The following MRPS28 variants were observed in gnomAD, a reference collection of about 807,000 sequenced individuals.
MRPS28 encodes small ribosomal subunit protein bS1m.
In MRPS28, 7 loss-of-function variants were observed where a neutral mutation model predicts 10.8. That is an observed-to-expected ratio of 0.65 (90% CI 0.37 to 1.22). MRPS28 has a LOEUF of 1.22. MRPS28 is among the 50% of genes most tolerant of loss of function. The probability of loss-of-function intolerance (pLI) is 0.02; values close to 1 mark genes in which losing one functional copy is unlikely to be tolerated. For missense variants in MRPS28, 265 were observed against 232.9 expected, an observed-to-expected ratio of 1.14 and a Z score of -0.90; for synonymous variants, 121 against 93.3, an observed-to-expected ratio of 1.30 and a Z score of -1.71.
chr8:79,976,372 C>T (rs186850124), intron 2 of MRPS28, among the ~76,000 whole-genome samples: 2 of 152,224 alleles, frequency 1.3e-5, no homozygotes, highest in African/African-American at 2.4e-5. Context: ...CGTGAGCCAC[C>T]GCACCCGGCC....
At chr8:79,984,417 C>T (rs1481790934) in intron 2 of MRPS28, among the ~76,000 whole-genome samples, 1 of 152,156 alleles carries the variant, frequency 6.6e-6, no homozygotes, top group Non-Finnish European at 1.5e-5. Flanking sequence ...CAAATTCACA[C>T]AAAACAATAT....
At chr8:80,010,435 C>T (rs1809006445) in intron 1 of MRPS28, among the ~76,000 whole-genome samples, 1 of 152,194 alleles carries the variant, frequency 6.6e-6, no homozygotes, top group South Asian at 2.1e-4. Context: ...GCATGTACTA[C>T]TTGAAAGATT....
intron 1 of MRPS28, among the ~76,000 whole-genome samples, chr8:80,023,257 T>A: frequency 6.6e-6 from 1 of 152,304 alleles, no homozygotes; most frequent in South Asian, 2.1e-4. Context: ...AAATAGTTTT[T>A]AAAACACTGG....
chr8:80,008,164 A>C (rs6473194), intron 1 of MRPS28, among the ~76,000 whole-genome samples: 116,724 of 152,092 alleles, frequency 0.77, 45,323 homozygotes, highest in African/African-American at 0.88. Flanking sequence ...CAAAAACAAG[A>C]AATGGGGAAA....
At chr8:80,006,307 G>C (rs965290015) in intron 1 of MRPS28, among the ~76,000 whole-genome samples, 7 of 152,292 alleles carry the variant, frequency 4.6e-5, no homozygotes, top group African/African-American at 1.4e-4. Context: ...AATCAAACTA[G>C]AACTCAGGAT....
chr8:79,958,010 G>T, intron 2 of MRPS28: 1 of 171,822 alleles, frequency 5.8e-6, no homozygotes, highest in Non-Finnish European at 1.2e-5. Flanking sequence ...CAGCTTTATT[G>T]AGATATAATT....
At chr8:79,991,834 G>C (rs115689279) in intron 2 of MRPS28, among the ~76,000 whole-genome samples, 123 of 151,396 alleles carry the variant, frequency 8.1e-4, no homozygotes, top group African/African-American at 2.9e-3. Flanking sequence ...TGACTCACTT[G>C]GTTATTAACC....
At chr8:79,979,258 C>T (rs1283042346) in intron 2 of MRPS28, among the ~76,000 whole-genome samples, 1 of 152,114 alleles carries the variant, frequency 6.6e-6, no homozygotes, top group Non-Finnish European at 1.5e-5. Flanking sequence ...AGCTTTGCCA[C>T]TTAATAGTGG....
intron 2 of MRPS28, among the ~76,000 whole-genome samples, chr8:79,973,839 T>TAAAAAAAAAA (rs11449920): frequency 7.3e-6 from 1 of 136,120 alleles, no homozygotes. Flanking sequence ...AATAAATTAA[T>TAAAAAAAAAA]AAAAAAAAAA....
At chr8:80,029,886 G>A (rs1055678607) in intron 1 of MRPS28, 150 bp downstream of exon 1, 1 of 1,536,498 alleles carries the variant, frequency 6.5e-7, no homozygotes, top group Non-Finnish European at 8.7e-7. Flanking sequence ...TAGGGGCCGA[G>A]GGCTGAGCCA....
chr8:79,944,912 C>T (rs551638383), intron 2 of MRPS28, among the ~76,000 whole-genome samples: 4 of 152,072 alleles, frequency 2.6e-5, no homozygotes, highest in South Asian at 2.1e-4. Context: ...CCAGGCTAGT[C>T]TCGAATTCCT....
intron 2 of MRPS28, among the ~76,000 whole-genome samples, chr8:79,983,751 C>G (rs1182756851): frequency 6.6e-6 from 1 of 152,140 alleles, no homozygotes; most frequent in Non-Finnish European, 1.5e-5. Flanking sequence ...ACGAACAAAG[C>G]CTCCAAGAAA....
At chr8:80,025,361 G>A (rs1417757146) in intron 1 of MRPS28, among the ~76,000 whole-genome samples, 1 of 152,172 alleles carries the variant, frequency 6.6e-6, no homozygotes, top group Non-Finnish European at 1.5e-5. Context: ...ACATTGTCAT[G>A]CACTGTAGGT....
At chr8:79,996,547 C>T (rs1808505975) in intron 2 of MRPS28, among the ~76,000 whole-genome samples, 1 of 152,184 alleles carries the variant, frequency 6.6e-6, no homozygotes, top group African/African-American at 2.4e-5. Context: ...CTAGCCAGTT[C>T]ACTAATCCCA....
intron 1 of MRPS28, among the ~76,000 whole-genome samples, chr8:80,020,939 G>A (rs1000775421): frequency 4.0e-5 from 6 of 151,078 alleles, no homozygotes; most frequent in African/African-American, 1.2e-4. Context: ...GTTTTTATGT[G>A]TAAATGCTTT....
rs555499558 is a variant in MRPS28 at position 80,006,657 on chromosome 8, AC to A, written c.214-3478del. ...ACTATAAACACCTCTACGCAAATAA[AC>A]TAGAAAATCTAGAAGAAATGGATAA... On this transcript the variant is annotated intron_variant, in intron 1 of 2. Coordinates refer to ENST00000276585, the MANE Select transcript of MRPS28 (RefSeq NM_014018.3). 1.3e-3 allele frequency among the ~76,000 whole-genome samples: 195 copies of A among 152,338 alleles called. 1 individual carries two copies. The highest frequency in any genetic ancestry group is 4.5e-3 in the African/African-American group (187 of 41,566).
chr8:80,026,059 T>C (rs547909415), intron 1 of MRPS28, among the ~76,000 whole-genome samples: 1 of 152,362 alleles, frequency 6.6e-6, no homozygotes, highest in South Asian at 2.1e-4. Context: ...TGCAGGGCTA[T>C]GTAAATTTTC....
At position 79,991,341 on chromosome 8, in the gene MRPS28, G is replaced by C. The variant is rs1586082157; in HGVS notation, c.395+11658C>G. 2.0e-5 allele frequency among the ~76,000 whole-genome samples: 3 copies of C among 151,124 alleles called. No homozygotes were observed. The Middle Eastern group carries it at 0.01, about 514-fold the overall frequency. Reference sequence around the variant, plus strand: ...TAAAAAAAGAACTTTTGCCAGATTTGAATTAATAGAGACAGAAAGAGAAGC... The same window carrying C: ...TAAAAAAAGAACTTTTGCCAGATTTCAATTAATAGAGACAGAAAGAGAAGC... On this transcript the variant is annotated intron_variant, in intron 2 of 2. Coordinates refer to ENST00000276585, the MANE Select transcript of MRPS28 (RefSeq NM_014018.3).
intron 2 of MRPS28, among the ~76,000 whole-genome samples, chr8:79,938,723 T>A (rs1461427519): frequency 6.6e-6 from 1 of 152,124 alleles, no homozygotes; most frequent in African/African-American, 2.4e-5. Context: ...AACGGAAAAT[T>A]CTGTTGCAAG....
Sources: gnomAD v4.1 joint callset for allele counts (sites outside exome capture counted in the v4.1 genomes callset) on GRCh38, gnomAD v4.1.1 for gene constraint, MANE v1.5 for transcripts, NCBI Gene and HGNC (gene_info 2026-07-23, HGNC 2026-07-21) for gene names.